Variants in GRAP2 observed in about 807,000 individuals in gnomAD.
GRAP2 encodes GRB2 related adaptor protein 2.
GRAP2 carries 31 observed loss-of-function variants against 43.5 expected under a neutral mutation model. That is an observed-to-expected ratio of 0.71 (90% CI 0.54 to 0.96). The LOEUF (loss-of-function observed/expected upper bound fraction) is 0.96, where lower values mean the gene tolerates loss of function less well. Among genes scored for constraint, GRAP2 ranks in the 40% least tolerant of loss-of-function variants. GRAP2 has a pLI of 0.00. For synonymous variants in GRAP2, 156 were observed against 164.8 expected, an observed-to-expected ratio of 0.95 and a Z score of 0.41; for missense variants, 371 against 424.4, an observed-to-expected ratio of 0.87 and a Z score of 1.11.
At chr22:39,903,619 A>G (rs2066506062) in intron 1 of GRAP2, among the ~76,000 whole-genome samples, 1 of 151,842 alleles carries the variant, frequency 6.6e-6, no homozygotes, top group African/African-American at 2.4e-5. Context: ...CTGAGACTAC[A>G]GGTACACACC....
At position 39,947,085 on chromosome 22, in the gene GRAP2, T is replaced by C; in HGVS notation, c.-14-8T>C. The C allele has an allele frequency of 6.5e-7, 1 of 1,529,858 alleles. No homozygotes were observed. The allele number at this position is 1,529,858 out of a possible 1,614,324, so 94.8% of individuals were successfully genotyped here. ...AGAGGCACAATGACCACATTATTTC[T>C]CTTCCAGCTTCACGTTACAGCATGG... is the stretch of plus-strand genomic sequence containing the variant. On this transcript the variant is annotated splice_region_variant and splice_polypyrimidine_tract_variant and intron_variant, in intron 1 of 7. Coordinates refer to ENST00000344138, the MANE Select transcript of GRAP2 (RefSeq NM_004810.4).
intron 5 of GRAP2, among the ~76,000 whole-genome samples, chr22:39,966,570 T>C (rs1351021497): frequency 2.6e-5 from 4 of 151,630 alleles, no homozygotes; most frequent in African/African-American, 2.4e-5. Flanking sequence ...GATGAAGGAG[T>C]TGGGGGTGCT....
rs187356167 is a variant in GRAP2, at chr22:39,968,886, G to A, written c.691-525G>A. 2.3e-4 allele frequency among the ~76,000 whole-genome samples: 35 copies of A among 152,252 alleles called. No individual in the cohort carries two copies. The East Asian group carries it at 6.2e-3, about 27-fold the overall frequency. Reference sequence around the variant, plus strand: ...ACCCCCCACGCTGCCTTAGTTACCCGAATGGTCCATTGCGTTTCCTCTCAT... The same window carrying A: ...ACCCCCCACGCTGCCTTAGTTACCCAAATGGTCCATTGCGTTTCCTCTCAT... On this transcript the variant is annotated intron_variant, in intron 6 of 7. Transcript: ENST00000344138.
upstream of GRAP2, among the ~76,000 whole-genome samples, chr22:39,897,947 A>G (rs928059857): frequency 6.6e-6 from 1 of 152,184 alleles, no homozygotes; most frequent in African/African-American, 2.4e-5. Flanking sequence ...TCCCCAGTTC[A>G]AAATCTTCCA....
At chr22:39,963,418 G>A (rs2067139120) in intron 4 of GRAP2, among the ~76,000 whole-genome samples, 1 of 152,178 alleles carries the variant, frequency 6.6e-6, no homozygotes, top group Non-Finnish European at 1.5e-5. Flanking sequence ...GTTCTTTGAG[G>A]TGGTGGATGA....
chr22:39,904,038 A>C (rs2066508557), intron 1 of GRAP2, among the ~76,000 whole-genome samples: 1 of 152,256 alleles, frequency 6.6e-6, no homozygotes, highest in Admixed American at 6.5e-5. Context: ...CACGAAGTGC[A>C]TGATGATAAA....
At chr22:39,956,527 C>G (rs1367217841) in intron 3 of GRAP2, among the ~76,000 whole-genome samples, 1 of 151,678 alleles carries the variant, frequency 6.6e-6, no homozygotes, top group African/African-American at 2.4e-5. Flanking sequence ...GAACCTTGCT[C>G]TGTTGCCCAG....
At chr22:39,897,642 C>T (rs1008542092), upstream of GRAP2, among the ~76,000 whole-genome samples, 2 of 151,838 alleles carry the variant, frequency 1.3e-5, no homozygotes, top group Admixed American at 1.3e-4. Flanking sequence ...GCCTCAGCCT[C>T]CCTAGTAGCT....
At chr22:39,915,069 A>C (rs188068218) in intron 1 of GRAP2, among the ~76,000 whole-genome samples, 90 of 151,526 alleles carry the variant, frequency 5.9e-4, no homozygotes, top group African/African-American at 2.1e-3. Flanking sequence ...GGTGCCTGTA[A>C]TCCCAGCTAC....
chr22:39,910,511 T>C (rs2145574332), intron 1 of GRAP2, among the ~76,000 whole-genome samples: 1 of 152,050 alleles, frequency 6.6e-6, no homozygotes, highest in African/African-American at 2.4e-5. Flanking sequence ...TGAGTTCAAG[T>C]GATTCTCCTG....
In GRAP2 at chr22:39,941,316, G is replaced by A. The variant is rs140639213; in HGVS notation, c.-14-5777G>A. Among the ~76,000 whole-genome samples, 63 of 152,272 alleles carry A rather than the reference G, an allele frequency of 4.1e-4. 2 individuals are homozygous for A. Among genetic ancestry groups the A allele is most frequent in the African/African-American group, 1.4e-3 (58 of 41,556 alleles). On this transcript the variant is annotated intron_variant, in intron 1 of 7. Transcript: ENST00000344138. Reference sequence around the variant, plus strand: ...CAGAACAACCCCACGGAGTAACTCTGGTGACTCCCATCCCACGGATGTGGA... The same window carrying A: ...CAGAACAACCCCACGGAGTAACTCTAGTGACTCCCATCCCACGGATGTGGA...
chr22:39,970,267 G>A (rs569504028), intron 7 of GRAP2, among the ~76,000 whole-genome samples: 1 of 152,198 alleles, frequency 6.6e-6, no homozygotes, highest in African/African-American at 2.4e-5. Flanking sequence ...TATTTGTAGC[G>A]ATAAGCTCTT....
At chr22:39,916,349 C>G (rs2145582389) in intron 1 of GRAP2, among the ~76,000 whole-genome samples, 1 of 152,330 alleles carries the variant, frequency 6.6e-6, no homozygotes, top group South Asian at 2.1e-4. Flanking sequence ...TGCAAAAAGG[C>G]TTTGTCCCCA....
chr22:39,939,221 G>A (rs1268936631), intron 1 of GRAP2, among the ~76,000 whole-genome samples: 1 of 152,220 alleles, frequency 6.6e-6, no homozygotes, highest in East Asian at 1.9e-4. Flanking sequence ...AAACAGGACA[G>A]GTCCTCTTGA....
At chr22:39,929,331 T>A (rs1190742504) in intron 1 of GRAP2, among the ~76,000 whole-genome samples, 1 of 152,168 alleles carries the variant, frequency 6.6e-6, no homozygotes, top group Non-Finnish European at 1.5e-5. Flanking sequence ...GGAGTGTTCA[T>A]CTTGGCTTAT....
chr22:39,915,290 G>A (rs1378680055), intron 1 of GRAP2, among the ~76,000 whole-genome samples: 1 of 149,742 alleles, frequency 6.7e-6, no homozygotes, highest in South Asian at 2.1e-4. Flanking sequence ...TTTTTGAGTT[G>A]TGTTTCACGG....
At chr22:39,905,510 A>G (rs1209225577) in intron 1 of GRAP2, among the ~76,000 whole-genome samples, 1 of 152,222 alleles carries the variant, frequency 6.6e-6, no homozygotes, top group Admixed American at 6.5e-5. Flanking sequence ...TTCTTAAGCT[A>G]TAAAATGGGA....
chr22:39,970,765 GTT>G, intron 7 of GRAP2, 138 bp from the exon 8 acceptor site: 1 of 733,700 alleles, frequency 1.4e-6, no homozygotes, highest in Non-Finnish European at 2.1e-6. Context: ...TACAAAAAAA[GTT>G]TTTTTAAGCT....
chr22:39,951,732 C>G (rs1162768312), intron 2 of GRAP2, among the ~76,000 whole-genome samples: 1 of 152,108 alleles, frequency 6.6e-6, no homozygotes, highest in African/African-American at 2.4e-5. Context: ...AAGTGTGGGG[C>G]CCTGGGCCCA....
Sources: gnomAD v4.1 joint callset for allele counts (sites outside exome capture counted in the v4.1 genomes callset) on GRCh38, gnomAD v4.1.1 for gene constraint, MANE v1.5 for transcripts, NCBI Gene and HGNC (gene_info 2026-07-23, HGNC 2026-07-21) for gene names.